Variants in GRIP2 observed in about 807,000 individuals in gnomAD.
GRIP2 encodes glutamate receptor-interacting protein 2.
Under a neutral mutation model 108.3 loss-of-function variants are expected in GRIP2, and 58 were observed. The observed-to-expected ratio is 0.54, with a 90% CI of 0.43 to 0.67. The LOEUF is 0.67. Ranked by LOEUF, GRIP2 falls within the 30% of genes least tolerant of loss-of-function variation. The pLI is 0.00. For synonymous variants in GRIP2, 586 were observed against 598.2 expected, an observed-to-expected ratio of 0.98 and a Z score of 0.30; for missense variants, 1,278 against 1,430.6, an observed-to-expected ratio of 0.89 and a Z score of 1.72.
At chr3:14,527,122 G>A (rs1694577113) in intron 1 of GRIP2, among the ~76,000 whole-genome samples, 1 of 152,160 alleles carries the variant, frequency 6.6e-6, no homozygotes, top group South Asian at 2.1e-4. Flanking sequence ...GGGAAGTCGA[G>A]ACTACAGTGA....
chr3:14,589,980 A>C, the GRIP2 span, among the ~76,000 whole-genome samples: 1 of 151,968 alleles, frequency 6.6e-6, no homozygotes, highest in South Asian at 2.1e-4. Context: ...TTTTGTAGAG[A>C]TGAGGTCTCA....
intron 3 of GRIP2, 38 bp downstream of exon 3, chr3:14,525,399 C>A: frequency 1.9e-6 from 3 of 1,604,252 alleles, no homozygotes; most frequent in Non-Finnish European, 2.5e-6. Context: ...ATTGCCTCTG[C>A]ACCCCCCTCC....
chr3:14,543,302 T>A (rs901382951), upstream of GRIP2, among the ~76,000 whole-genome samples: 1 of 152,194 alleles, frequency 6.6e-6, no homozygotes, highest in African/African-American at 2.4e-5. Flanking sequence ...AAGCTGCATG[T>A]TAAGAGGGTC....
At chr3:14,513,027 A>G (rs1327656551) in intron 13 of GRIP2, among the ~76,000 whole-genome samples, 170 bp from the exon 14 acceptor site, 1 of 152,162 alleles carries the variant, frequency 6.6e-6, no homozygotes, top group East Asian at 1.9e-4. Flanking sequence ...GAGTGAGCTG[A>G]CAGATTTGCT....
chr3:14,596,628 A>G, the GRIP2 span, among the ~76,000 whole-genome samples: 1 of 152,346 alleles, frequency 6.6e-6, no homozygotes, highest in South Asian at 2.1e-4. Flanking sequence ...CTAGAGGGAG[A>G]GAAAGGTGAT....
the GRIP2 span, among the ~76,000 whole-genome samples, chr3:14,586,766 A>G: frequency 3.5e-4 from 53 of 152,350 alleles, no homozygotes; most frequent in African/African-American, 1.3e-3. Flanking sequence ...CTTATTTAAA[A>G]AGCCCAGTGC....
chr3:14,510,107 G>T, intron 16 of GRIP2, 143 bp from the exon 17 acceptor site: 1 of 729,574 alleles, frequency 1.4e-6, no homozygotes, highest in Non-Finnish European at 1.9e-6. Context: ...AGCACAACCT[G>T]GGGACCCTGA....
chr3:14,509,564 A>C (rs989522799), intron 17 of GRIP2, among the ~76,000 whole-genome samples: 2 of 152,254 alleles, frequency 1.3e-5, no homozygotes, highest in Admixed American at 1.3e-4. Context: ...AGGAAGATGC[A>C]CACACCTTGG....
At chr3:14,565,922 C>T in the GRIP2 span, among the ~76,000 whole-genome samples, 4 of 152,324 alleles carry the variant, frequency 2.6e-5, no homozygotes, top group South Asian at 2.1e-4. Context: ...GAGAAAGGAG[C>T]GTGCCCTAGG....
At chr3:14,509,756 GC>G in intron 17 of GRIP2, 63 bp downstream of exon 17, 1 of 1,328,562 alleles carries the variant, frequency 7.5e-7, no homozygotes, top group Non-Finnish European at 9.7e-7. Flanking sequence ...CTTTGCCATA[GC>G]CCCAGCTCTT....
chr3:14,533,924 G>A (rs981065583), intron 1 of GRIP2, among the ~76,000 whole-genome samples: 3 of 152,202 alleles, frequency 2.0e-5, no homozygotes, highest in Non-Finnish European at 4.4e-5. Flanking sequence ...ACTACTGTGC[G>A]CAAAGAGTCA....
chr3:14,539,954 T>G (rs1694921830), intron 1 of GRIP2, among the ~76,000 whole-genome samples: 1 of 152,134 alleles, frequency 6.6e-6, no homozygotes, highest in Admixed American at 6.5e-5. Flanking sequence ...GGCAAAAGGC[T>G]TCGCTCACAC....
At chr3:14,530,821 T>C (rs984655219) in intron 1 of GRIP2, among the ~76,000 whole-genome samples, 2 of 152,204 alleles carry the variant, frequency 1.3e-5, no homozygotes, top group African/African-American at 4.8e-5. Flanking sequence ...TCAAAGTAAA[T>C]GGGGTATCCA....
the GRIP2 span, among the ~76,000 whole-genome samples, chr3:14,575,979 A>G: frequency 6.6e-6 from 1 of 152,212 alleles, no homozygotes; most frequent in Non-Finnish European, 1.5e-5. Flanking sequence ...ATGATTTATT[A>G]ATCACCTGCT....
intron 1 of GRIP2, among the ~76,000 whole-genome samples, chr3:14,531,586 G>A (rs564414621): frequency 6.6e-6 from 1 of 152,302 alleles, no homozygotes; most frequent in East Asian, 1.9e-4. Context: ...CATGCCCTGT[G>A]CACACCACCA....
intron 1 of GRIP2, among the ~76,000 whole-genome samples, chr3:14,553,562 C>CA (rs1488169656): frequency 6.6e-6 from 1 of 152,134 alleles, no homozygotes; most frequent in Non-Finnish European, 1.5e-5. Flanking sequence ...CCTCGAGTCT[C>CA]AGTTTGGAGG....
In GRIP2 at chr3:14,493,670, G is replaced by A. The variant is rs1351630487; in HGVS notation, c.3127C>T (p.Leu1043Phe). 22 of 1,599,754 alleles carry A rather than the reference G, an allele frequency of 1.4e-5. No homozygotes were observed. Among genetic ancestry groups the A allele is most frequent in the Non-Finnish European group, 1.8e-5 (21 of 1,173,424 alleles). The change falls in exon 24 of 24, where the codon CTC becomes TTC. Residue 1043 changes from leucine to phenylalanine, a missense_variant. Transcript: ENST00000621039. ...GTTCGGCCCACATGCTGACTTCAGA[G>A]CATCCGGGGACTGCTGGGGCCTGGC... ...RSPGPSSPRM[L>F]
At chr3:14,496,995 C>G (rs1693629411) in intron 21 of GRIP2, among the ~76,000 whole-genome samples, 1 of 136,254 alleles carries the variant, frequency 7.3e-6, no homozygotes, top group African/African-American at 2.7e-5. Context: ...AAGTTTTGCT[C>G]TTGTTGCCCA....
chr3:14,505,812 T>TG lies in GRIP2; in HGVS notation c.2399-24dup. On this transcript the variant is annotated intron_variant, in intron 19 of 23. Coordinates refer to ENST00000621039, the MANE Select transcript of GRIP2 (RefSeq NM_001080423.4). The surrounding 1 kb of genome is among the most constrained non-coding windows in gnomAD (Gnocchi z 4.2). ...ACCCTGGTGGTGGAGAGAGGGCCTCTGTGTTCCCTGCGGCCTCACCTTGCC... is the reference window on the plus strand; with the variant it reads ...ACCCTGGTGGTGGAGAGAGGGCCTCTGGTGTTCCCTGCGGCCTCACCTTGCC... 6.7e-7 allele frequency: 1 copy of TG among 1,492,168 alleles called. No homozygotes were observed. The highest frequency in any genetic ancestry group is 8.9e-7 in the Non-Finnish European group (1 of 1,121,306). The allele number at this position is 1,492,168 out of a possible 1,614,324, so 92.4% of individuals were successfully genotyped here.
Sources: allele counts gnomAD v4.1 joint callset (sites outside exome capture counted in the v4.1 genomes callset), GRCh38; gene constraint gnomAD v4.1.1; non-coding constraint Gnocchi (gnomAD v3.1); transcripts MANE v1.5; gene names NCBI Gene and HGNC (gene_info 2026-07-23, HGNC 2026-07-21).